KIAA1328: variants seen among roughly 807,000 people sequenced by gnomAD.
The protein encoded by KIAA1328 is protein hinderin.
A neutral mutation model predicts 68.1 loss-of-function variants in KIAA1328; 52 were observed. That is an observed-to-expected ratio of 0.76 (90% confidence interval 0.61 to 0.96). KIAA1328 has a LOEUF of 0.96. KIAA1328 is among the 40% of genes least tolerant of loss of function. The probability of loss-of-function intolerance (pLI) is 0.00; values close to 1 mark genes in which losing one functional copy is unlikely to be tolerated. For missense variants in KIAA1328, 641 were observed against 677.6 expected (o/e 0.95, Z 0.60); for synonymous variants, 232 against 239.4 (o/e 0.97, Z 0.28).
At chr18:36,874,640 A>C (rs1190005247) in intron 4 of KIAA1328, among the ~76,000 whole-genome samples, 1 of 151,966 alleles carries the variant, frequency 6.6e-6, no homozygotes, top group Admixed American at 6.6e-5. Flanking sequence ...TTGCCTGTTC[A>C]CTCTGATGAT....
chr18:37,079,909 A>G lies in KIAA1328; in HGVS notation c.1232+12364A>G, dbSNP rs149593273. ...CAAAAAAAAAAAAAAAAACAGTTCAATAAGTCTAATGATTTCTAATTTTCT... is the reference window on the plus strand; with the variant it reads ...CAAAAAAAAAAAAAAAAACAGTTCAGTAAGTCTAATGATTTCTAATTTTCT... On this transcript the variant is annotated intron_variant, in intron 7 of 9. Coordinates refer to ENST00000280020, the MANE Select transcript of KIAA1328 (RefSeq NM_020776.3). Among the ~76,000 whole-genome samples, 39 of 151,946 alleles carry G rather than the reference A, an allele frequency of 2.6e-4. No individual in the cohort carries two copies. The East Asian group carries it at 7.5e-3, about 29-fold the overall frequency.
chr18:37,220,395 T>C (rs1441888601), intron 9 of KIAA1328, among the ~76,000 whole-genome samples: 1 of 152,248 alleles, frequency 6.6e-6, no homozygotes, highest in East Asian at 1.9e-4. Flanking sequence ...CATTAATAAT[T>C]GGTTCATTAG....
At chr18:37,113,712 G>A (rs1307094114) in intron 7 of KIAA1328, among the ~76,000 whole-genome samples, 3 of 152,244 alleles carry the variant, frequency 2.0e-5, no homozygotes, top group African/African-American at 7.2e-5. Flanking sequence ...ACAAAGACTG[G>A]CAAATTGGAT....
At chr18:37,058,686 T>C (rs910339537) in intron 6 of KIAA1328, among the ~76,000 whole-genome samples, 18 of 152,026 alleles carry the variant, frequency 1.2e-4, no homozygotes, top group Admixed American at 6.6e-5. Flanking sequence ...CACTCCAGCC[T>C]GGGTGACAGA....
At chr18:37,022,796 G>A (rs964584236) in intron 6 of KIAA1328, among the ~76,000 whole-genome samples, 1 of 152,118 alleles carries the variant, frequency 6.6e-6, no homozygotes, top group African/African-American at 2.4e-5. Context: ...TCATTAAATT[G>A]TTAAGAAATT....
chr18:36,961,560 C>T (rs776314258), intron 6 of KIAA1328, among the ~76,000 whole-genome samples: 1 of 152,118 alleles, frequency 6.6e-6, no homozygotes, highest in East Asian at 1.9e-4. Flanking sequence ...TAAGGGCAGC[C>T]AGAGAGAAAG....
rs1384047117 is a variant in KIAA1328 at position 36,853,668 on chromosome 18, T to A, written c.332+9366T>A. On this transcript the variant is annotated intron_variant, in intron 4 of 9. Transcript: ENST00000280020. ...TGTGCTTTTTTTTATTTTTTTTATT[T>A]TTATTTTTTTGACAGAGTCTTGCTC... Among the ~76,000 whole-genome samples the A allele has an allele frequency of 5.9e-5, 9 of 152,122 alleles. No individual in the cohort carries two copies. The East Asian group carries it at 1.7e-3, about 29-fold the overall frequency.
intron 9 of KIAA1328, among the ~76,000 whole-genome samples, chr18:37,187,186 C>G (rs1260493884): frequency 6.6e-6 from 1 of 151,866 alleles, no homozygotes; most frequent in African/African-American, 2.4e-5. Context: ...AGTTTATTAT[C>G]GTGTTGCTTG....
chr18:37,104,588 AC>A (rs1346763456), intron 7 of KIAA1328, among the ~76,000 whole-genome samples: 1 of 152,194 alleles, frequency 6.6e-6, no homozygotes, highest in Non-Finnish European at 1.5e-5. Flanking sequence ...ATTCGATAGC[AC>A]AGGAGGCTGG....
chr18:36,916,705 G>A (rs1240465217), intron 5 of KIAA1328, among the ~76,000 whole-genome samples: 3 of 152,200 alleles, frequency 2.0e-5, no homozygotes, highest in Non-Finnish European at 2.9e-5. Flanking sequence ...AGGAGGCACA[G>A]AGAGGAAAAT....
At chr18:37,031,300 G>GTT (rs766371109) in intron 6 of KIAA1328, among the ~76,000 whole-genome samples, 4 of 151,670 alleles carry the variant, frequency 2.6e-5, no homozygotes, top group Non-Finnish European at 4.4e-5. Context: ...TGATTGTGGG[G>GTT]TTTTTTTTCC....
chr18:37,108,235 G>C (rs1398810985), intron 7 of KIAA1328, among the ~76,000 whole-genome samples: 1 of 152,116 alleles, frequency 6.6e-6, no homozygotes, highest in Non-Finnish European at 1.5e-5. Context: ...GGATGGAACT[G>C]GTGGCTATTA....
At chr18:37,029,334 T>G (rs952235516) in intron 6 of KIAA1328, among the ~76,000 whole-genome samples, 1 of 152,028 alleles carries the variant, frequency 6.6e-6, no homozygotes, top group Non-Finnish European at 1.5e-5. Flanking sequence ...TCTGAGAGTT[T>G]TATTTGGGAT....
chr18:37,098,669 C>G (rs1161430050), intron 7 of KIAA1328, among the ~76,000 whole-genome samples: 1 of 152,086 alleles, frequency 6.6e-6, no homozygotes, highest in African/African-American at 2.4e-5. Context: ...CTCCTTGTAC[C>G]TCTGGTAGAA....
At chr18:36,996,656 A>G (rs2151434864) in intron 6 of KIAA1328, among the ~76,000 whole-genome samples, 1 of 152,230 alleles carries the variant, frequency 6.6e-6, no homozygotes, top group East Asian at 1.9e-4. Flanking sequence ...GGGCAGTAGG[A>G]GGAAGGGGGT....
intron 6 of KIAA1328, among the ~76,000 whole-genome samples, chr18:37,033,192 T>C (rs2151590665): frequency 6.6e-6 from 1 of 152,336 alleles, no homozygotes; most frequent in South Asian, 2.1e-4. Flanking sequence ...TTAATTATGA[T>C]GAGCTTATTT....
At chr18:37,077,985 G>A (rs939297488) in intron 7 of KIAA1328, among the ~76,000 whole-genome samples, 74 of 152,122 alleles carry the variant, frequency 4.9e-4, no homozygotes, top group Non-Finnish European at 1.0e-3. Context: ...CTACTTTAAA[G>A]TTCATATGGA....
chr18:37,032,718 C>T (rs1201502996), intron 6 of KIAA1328, among the ~76,000 whole-genome samples: 3 of 151,946 alleles, frequency 2.0e-5, no homozygotes, highest in Non-Finnish European at 2.9e-5. Context: ...CTTGGCTCAC[C>T]GCAACCTCCG....
intron 7 of KIAA1328, among the ~76,000 whole-genome samples, chr18:37,135,064 G>A (rs150279789): frequency 1.4e-3 from 212 of 152,214 alleles, no homozygotes; most frequent in African/African-American, 4.9e-3. Flanking sequence ...GTATTTCATA[G>A]TGTATACTTG....
Sources: gnomAD v4.1 joint callset for allele counts (sites outside exome capture counted in the v4.1 genomes callset) on GRCh38, gnomAD v4.1.1 for gene constraint, MANE v1.5 for transcripts, NCBI Gene and HGNC (gene_info 2026-07-23, HGNC 2026-07-21) for gene names.